CRISPLD1: variants seen among roughly 807,000 people sequenced by gnomAD.
The protein encoded by CRISPLD1 is cysteine rich secretory protein LCCL domain containing 1.
CRISPLD1 carries 60 observed loss-of-function variants against 77.5 expected under a neutral mutation model. The observed-to-expected ratio is 0.77, with a 90% confidence interval of 0.63 to 0.96. The LOEUF (loss-of-function observed/expected upper bound fraction) is 0.96. Ranked by LOEUF, CRISPLD1 falls within the 40% of genes least tolerant of loss-of-function variation. The pLI is 0.00. For missense variants in CRISPLD1, 623 were observed against 615.8 expected, an observed-to-expected ratio of 1.01 and a Z score of -0.12; for synonymous variants, 195 against 200.1, an observed-to-expected ratio of 0.97 and a Z score of 0.22.
chr8:75,008,505 TC>T (rs1812874119), intron 2 of CRISPLD1, among the ~76,000 whole-genome samples: 1 of 152,192 alleles, frequency 6.6e-6, no homozygotes, highest in Non-Finnish European at 1.5e-5. Context: ...TGATAGAATT[TC>T]TTCCAATAAG....
intron 12 of CRISPLD1, among the ~76,000 whole-genome samples, chr8:75,022,477 T>C (rs1235897019): frequency 6.6e-6 from 1 of 151,500 alleles, no homozygotes; most frequent in Non-Finnish European, 1.5e-5. Flanking sequence ...TAGTCCCAGC[T>C]ACTCCAGAGG....
In CRISPLD1 at chr8:75,012,447, G is replaced by C. The variant is rs1162449626; in HGVS notation, c.273G>C (p.Glu91Asp). 6 of 1,610,936 alleles carry C rather than the reference G, an allele frequency of 3.7e-6. No individual in the cohort carries two copies. The highest frequency in any genetic ancestry group is 5.1e-6 in the Non-Finnish European group (6 of 1,177,314). Reference protein sequence around the residue: ...SNMEYMTWDVELERSAESWAE... With the variant: ...SNMEYMTWDVDLERSAESWAE... ...TTAAACTGTAGACATGGGATGTAGA[G>C]CTGGAAAGATCTGCAGAATCCTGGG... The change falls in exon 3 of 15, where the codon GAG (glutamate) becomes GAC (aspartate). Residue 91 changes from glutamate to aspartate, a missense_variant. Coordinates refer to ENST00000262207, the MANE Select transcript of CRISPLD1 (RefSeq NM_031461.6).
At chr8:74,995,781 G>A (rs1265985896) in intron 2 of CRISPLD1, among the ~76,000 whole-genome samples, 2 of 151,958 alleles carry the variant, frequency 1.3e-5, no homozygotes, top group African/African-American at 4.8e-5. Context: ...TGCAAATTAT[G>A]CCTCTATTTA....
chr8:75,005,387 T>C (rs1408838551), intron 2 of CRISPLD1, among the ~76,000 whole-genome samples: 1 of 146,428 alleles, frequency 6.8e-6, no homozygotes, highest in Non-Finnish European at 1.5e-5. Context: ...CTTGATATAA[T>C]CAAAGATATA....
At chr8:74,997,655 A>G (rs1001811640) in intron 2 of CRISPLD1, among the ~76,000 whole-genome samples, 3 of 152,172 alleles carry the variant, frequency 2.0e-5, no homozygotes, top group Admixed American at 6.5e-5. Context: ...GCATGCAGCT[A>G]TATAGAGGTT....
intron 2 of CRISPLD1, among the ~76,000 whole-genome samples, chr8:75,001,257 G>A (rs1812736091): frequency 6.6e-6 from 1 of 151,988 alleles, no homozygotes; most frequent in Non-Finnish European, 1.5e-5. Flanking sequence ...ATTCATTTTG[G>A]GTTAGTGCAA....
chr8:74,989,268 C>T (rs1439355054), intron 2 of CRISPLD1, among the ~76,000 whole-genome samples: 1 of 152,092 alleles, frequency 6.6e-6, no homozygotes, highest in Non-Finnish European at 1.5e-5. Flanking sequence ...GTGATAGAAA[C>T]CAGTAATCCT....
chr8:75,008,786 A>G (rs990970977), intron 2 of CRISPLD1, among the ~76,000 whole-genome samples: 6 of 152,178 alleles, frequency 3.9e-5, no homozygotes, highest in African/African-American at 1.4e-4. Context: ...TATGCATTGT[A>G]TATATTCAAC....
intron 2 of CRISPLD1, among the ~76,000 whole-genome samples, chr8:74,991,095 C>T (rs552998717): frequency 9.9e-5 from 15 of 151,850 alleles, no homozygotes; most frequent in Non-Finnish European, 1.6e-4. Flanking sequence ...AAAGTTTAAG[C>T]GATTCTCCTG....
At chr8:75,029,571 C>A in intron 14 of CRISPLD1, 54 bp downstream of exon 14, 2 of 1,541,744 alleles carry the variant, frequency 1.3e-6, no homozygotes, top group Non-Finnish European at 1.8e-6. Flanking sequence ...TCACTGTATT[C>A]ATGATTGCTT....
intron 2 of CRISPLD1, among the ~76,000 whole-genome samples, chr8:74,992,905 G>GTTTTTTTTTTTT (rs771210880): frequency 8.7e-6 from 1 of 115,240 alleles, no homozygotes; most frequent in Non-Finnish European, 1.8e-5. Flanking sequence ...AGAAATTATG[G>GTTTTTTTTTTTT]TTTTTTTTTT....
intron 13 of CRISPLD1, among the ~76,000 whole-genome samples, chr8:75,027,309 A>G (rs1813251220): frequency 6.6e-6 from 1 of 152,240 alleles, no homozygotes; most frequent in African/African-American, 2.4e-5. Flanking sequence ...TACCTTGCAC[A>G]TAAGTATTTG....
intron 2 of CRISPLD1, chr8:75,000,551 C>T: frequency 2.8e-6 from 1 of 361,460 alleles, no homozygotes; most frequent in Non-Finnish European, 3.8e-6. Flanking sequence ...TGCCTATTGC[C>T]CTCCCTGTTT....
intron 2 of CRISPLD1, among the ~76,000 whole-genome samples, chr8:75,005,635 CAGAACT>C (rs1417488648): frequency 6.6e-6 from 1 of 152,018 alleles, no homozygotes; most frequent in African/African-American, 2.4e-5. Flanking sequence ...CTTGACTGCT[CAGAACT>C]GGGATAGGTA....
Position 74,985,573 on chromosome 8 carries a change from TA to T in CRISPLD1, c.-62-351del, listed in dbSNP as rs1279312534. Among the ~76,000 whole-genome samples, 3 of 152,204 alleles carry T rather than the reference TA, an allele frequency of 2.0e-5. No individual in the cohort carries two copies. The East Asian group carries it at 5.8e-4, about 29-fold the overall frequency. On this transcript the variant is annotated intron_variant, in intron 1 of 14. Transcript: ENST00000262207. ...TGAAATCAAACGTTCTAGGTAGATATAACATCCTTTGCAGGGTATATGTAAT... is the reference window on the plus strand; with the variant it reads ...TGAAATCAAACGTTCTAGGTAGATATACATCCTTTGCAGGGTATATGTAAT...
chr8:75,015,323 T>TTGAA (rs1321515554), intron 6 of CRISPLD1, among the ~76,000 whole-genome samples: 1 of 152,198 alleles, frequency 6.6e-6, no homozygotes, highest in Non-Finnish European at 1.5e-5. Context: ...GTGTATCTTA[T>TTGAA]TGAACCATGC....
rs765782017 is a variant in CRISPLD1, at chr8:75,013,985, A to C, written c.511-2A>C. The C allele has an allele frequency of 6.2e-7, 1 of 1,602,920 alleles. No individual in the cohort carries two copies. Among genetic ancestry groups the C allele is most frequent in the South Asian group, 1.1e-5 (1 of 90,786 alleles). ...TCTGAGCCTTTCATTTTTCTAACAT[A>C]GGTCGTGTGGGCAACTAGTAACAGA... On this transcript the variant is annotated splice_acceptor_variant, in intron 4 of 14. Transcript: ENST00000262207. LOFTEE classifies it high-confidence loss of function.
chr8:75,032,164 CT>C (rs1813360234), intron 14 of CRISPLD1, 26 bp from the exon 15 acceptor site: 19 of 1,494,700 alleles, frequency 1.3e-5, no homozygotes, highest in Non-Finnish European at 1.6e-5. Flanking sequence ...CATCAATATA[CT>C]TTTCATATAT....
At chr8:75,004,873 A>G (rs1027569776) in intron 2 of CRISPLD1, among the ~76,000 whole-genome samples, 17 of 150,180 alleles carry the variant, frequency 1.1e-4, no homozygotes, top group Non-Finnish European at 2.1e-4. Context: ...GCTTTATTTA[A>G]ATGTTTTACC....
Sources: allele counts gnomAD v4.1 joint callset (sites outside exome capture counted in the v4.1 genomes callset), GRCh38; gene constraint gnomAD v4.1.1; transcripts MANE v1.5; gene names NCBI Gene and HGNC (gene_info 2026-07-23, HGNC 2026-07-21).